The following CRPPA variants were observed in gnomAD, a reference collection of about 807,000 sequenced individuals.
The protein encoded by CRPPA is D-ribitol-5-phosphate cytidylyltransferase.
In CRPPA, 43 loss-of-function variants were observed where a neutral mutation model predicts 52.0. The ratio of observed to expected loss-of-function variants is 0.83; its 90% CI spans 0.65 to 1.07. The LOEUF is 1.07. Ranked by LOEUF, CRPPA falls within the 50% of genes least tolerant of loss-of-function variation. The pLI is 0.00. For synonymous variants in CRPPA, 250 were observed against 203.5 expected, an observed-to-expected ratio of 1.23 and a Z score of -1.94; for missense variants, 629 against 551.7, an observed-to-expected ratio of 1.14 and a Z score of -1.40.
chr7:16,119,273 G>A (rs927544340), intron 9 of CRPPA, among the ~76,000 whole-genome samples: 2 of 152,024 alleles, frequency 1.3e-5, no homozygotes, highest in Non-Finnish European at 2.9e-5. Context: ...GCCCAGCCCT[G>A]GGCAGGCACA....
chr7:16,170,247 A>G (rs1157865382), intron 9 of CRPPA, among the ~76,000 whole-genome samples: 1 of 152,204 alleles, frequency 6.6e-6, no homozygotes, highest in Non-Finnish European at 1.5e-5. Context: ...AATTACACAT[A>G]ATTGATCAGC....
intron 3 of CRPPA, among the ~76,000 whole-genome samples, chr7:16,331,367 T>G (rs1415535989): frequency 1.3e-5 from 2 of 152,140 alleles, no homozygotes. Flanking sequence ...ATGGAATGCT[T>G]TCCCGCCCCC....
intron 2 of CRPPA, among the ~76,000 whole-genome samples, chr7:16,388,750 G>T (rs906966283): frequency 1.3e-5 from 2 of 151,872 alleles, no homozygotes; most frequent in African/African-American, 4.8e-5. Context: ...GTGGTGCATG[G>T]CTGTAATCCC....
chr7:16,355,051 C>G (rs910238359), intron 3 of CRPPA, among the ~76,000 whole-genome samples: 3 of 152,150 alleles, frequency 2.0e-5, no homozygotes, highest in Non-Finnish European at 4.4e-5. Flanking sequence ...AAGATATTTA[C>G]ATGAGTAACT....
intron 3 of CRPPA, among the ~76,000 whole-genome samples, chr7:16,330,937 A>T (rs1273723696): frequency 6.6e-6 from 1 of 152,022 alleles, no homozygotes; most frequent in Non-Finnish European, 1.5e-5. Context: ...ACTCCAGCAC[A>T]CTCTAGCTAT....
At chr7:16,349,456 G>T (rs184345853) in intron 3 of CRPPA, among the ~76,000 whole-genome samples, 1 of 152,284 alleles carries the variant, frequency 6.6e-6, no homozygotes, top group African/African-American at 2.4e-5. Context: ...TCTAGGAAAT[G>T]ACCTGAGTGA....
intron 2 of CRPPA, among the ~76,000 whole-genome samples, chr7:16,379,586 G>A (rs1205174381): frequency 3.3e-5 from 5 of 152,204 alleles, no homozygotes; most frequent in East Asian, 1.9e-4. Context: ...TGGGCAGTAC[G>A]GCCATTTTCA....
At chr7:16,143,674 C>G (rs753864255) in intron 9 of CRPPA, among the ~76,000 whole-genome samples, 1 of 152,182 alleles carries the variant, frequency 6.6e-6, no homozygotes, top group Non-Finnish European at 1.5e-5. Flanking sequence ...ATCACTCTCT[C>G]TCAATGGTAG....
intron 8 of CRPPA, among the ~76,000 whole-genome samples, chr7:16,244,547 T>C (rs953806700): frequency 6.6e-6 from 1 of 152,216 alleles, no homozygotes; most frequent in Admixed American, 6.5e-5. Flanking sequence ...CAGTATTGTA[T>C]GCTGAAACAA....
At chr7:16,195,643 C>A (rs1384466923) in intron 9 of CRPPA, among the ~76,000 whole-genome samples, 1 of 152,148 alleles carries the variant, frequency 6.6e-6, no homozygotes, top group African/African-American at 2.4e-5. Context: ...ATCTCTGGGG[C>A]CAGGCTGTGG....
chr7:16,095,815 G>A (rs914247690), intron 9 of CRPPA, among the ~76,000 whole-genome samples: 1 of 152,178 alleles, frequency 6.6e-6, no homozygotes, highest in African/African-American at 2.4e-5. Flanking sequence ...AGGAATTGCT[G>A]AGAACTCCTA....
intron 9 of CRPPA, among the ~76,000 whole-genome samples, chr7:16,183,236 G>A (rs770543703): frequency 1.2e-4 from 19 of 152,280 alleles, no homozygotes; most frequent in South Asian, 1.0e-3. Context: ...TCTCTAGTCC[G>A]TAACATGCTC....
intron 6 of CRPPA, among the ~76,000 whole-genome samples, chr7:16,275,482 G>A (rs1482837458): frequency 6.6e-6 from 1 of 152,254 alleles, no homozygotes; most frequent in Admixed American, 6.5e-5. Flanking sequence ...CCACGGAGGT[G>A]TTATTTTGAC....
At chr7:16,215,860 G>T (rs1265255995) in intron 9 of CRPPA, among the ~76,000 whole-genome samples, 1 of 152,138 alleles carries the variant, frequency 6.6e-6, no homozygotes, top group Non-Finnish European at 1.5e-5. Flanking sequence ...TTGCTCATTA[G>T]CATTTCCCCA....
chr7:16,371,639 T>C (rs112383129), intron 3 of CRPPA, among the ~76,000 whole-genome samples: 1,547 of 151,812 alleles, frequency 0.01, 26 homozygotes, highest in African/African-American at 0.036. Context: ...TCTGGCAGTA[T>C]GACAAAACAG....
chr7:16,135,856 C>A (rs545797649), intron 9 of CRPPA, among the ~76,000 whole-genome samples: 1 of 152,252 alleles, frequency 6.6e-6, no homozygotes, highest in East Asian at 1.9e-4. Flanking sequence ...TTTTAACTTG[C>A]ATATGGTAGT....
At chr7:16,094,692 A>T (rs1161556848) in intron 9 of CRPPA, among the ~76,000 whole-genome samples, 1 of 152,088 alleles carries the variant, frequency 6.6e-6, no homozygotes, top group African/African-American at 2.4e-5. Flanking sequence ...AACAGTGAAA[A>T]ATCATGCTGA....
At chr7:16,104,803 G>A (rs1366278680) in intron 9 of CRPPA, among the ~76,000 whole-genome samples, 1 of 152,016 alleles carries the variant, frequency 6.6e-6, no homozygotes, top group African/African-American at 2.4e-5. Context: ...AGGAGGCTGA[G>A]GCAGAAGAAT....
intron 3 of CRPPA, among the ~76,000 whole-genome samples, chr7:16,321,229 G>A (rs1314624455): frequency 6.6e-6 from 1 of 152,046 alleles, no homozygotes; most frequent in Non-Finnish European, 1.5e-5. Context: ...CCCTATAACT[G>A]TCTTTTTAGA....
Sources: allele counts gnomAD v4.1 joint callset (sites outside exome capture counted in the v4.1 genomes callset), GRCh38; gene constraint gnomAD v4.1.1; transcripts MANE v1.5; gene names NCBI Gene and HGNC (gene_info 2026-07-23, HGNC 2026-07-21).